MYH9: variants seen among roughly 807,000 people sequenced by gnomAD.
MYH9 encodes the protein myosin heavy chain 9.
MYH9 carries 29 observed loss-of-function variants against 241.9 expected under a neutral mutation model. The ratio of observed to expected loss-of-function variants is 0.12; its 90% CI spans 0.09 to 0.16. The LOEUF is 0.16. Among genes scored for constraint, MYH9 ranks in the 10% least tolerant of loss-of-function variants. The pLI is 1.00. For missense variants in MYH9, 1,803 were observed against 2,595.5 expected, an observed-to-expected ratio of 0.69 and a Z score of 6.63; for synonymous variants, 1,047 against 1,062.6, an observed-to-expected ratio of 0.99 and a Z score of 0.29.
intron 1 of MYH9, among the ~76,000 whole-genome samples, chr22:36,385,240 C>T (rs2018334419): frequency 6.6e-6 from 1 of 151,386 alleles, no homozygotes; most frequent in African/African-American, 2.4e-5. Context: ...TAGGGCCAGG[C>T]TCAGAGGAAA....
chr22:36,324,041 G>T (rs2017297345), intron 5 of MYH9, among the ~76,000 whole-genome samples: 1 of 152,238 alleles, frequency 6.6e-6, no homozygotes, highest in Non-Finnish European at 1.5e-5. Flanking sequence ...TCAGAGCACA[G>T]GCCAGGCTGC....
intron 2 of MYH9, among the ~76,000 whole-genome samples, chr22:36,346,582 G>A (rs1314815836): frequency 6.6e-5 from 10 of 152,150 alleles, no homozygotes; most frequent in Non-Finnish European, 1.5e-4. Flanking sequence ...CATCTGTAAA[G>A]TGGGAAGGCC....
chr22:36,335,415 G>T (rs1051079904), intron 3 of MYH9, among the ~76,000 whole-genome samples: 2 of 152,258 alleles, frequency 1.3e-5, no homozygotes, highest in African/African-American at 4.8e-5. Context: ...GGCTGGCAGG[G>T]CTGGCGGCCT....
chr22:36,381,935 G>A (rs5756169), intron 1 of MYH9, among the ~76,000 whole-genome samples: 2 of 152,138 alleles, frequency 1.3e-5, no homozygotes, highest in African/African-American at 4.8e-5. Flanking sequence ...CTAGAATATA[G>A]TCGGAAGGAG....
chr22:36,306,310 G>T lies in MYH9; in HGVS notation c.2037+104C>A. On this transcript the variant is annotated intron_variant, in intron 16 of 40. Transcript: ENST00000216181. The surrounding 1 kb of genome is among the most constrained non-coding windows in gnomAD (Gnocchi z 4.1). ...GCAGAGAAACGACTGAAGGCTCTGT[G>T]CATGCTGGGGGGCTGGAGGGGTGCT... 1.4e-6 allele frequency: 2 copies of T among 1,455,326 alleles called. No individual in the cohort carries two copies. The highest frequency in any genetic ancestry group is 1.9e-6 in the Non-Finnish European group (2 of 1,059,002). The allele number at this position is 1,455,326 out of a possible 1,614,324, so 90.2% of individuals were successfully genotyped here. A position where few individuals can be genotyped will look rare whatever the true frequency, so the allele number is the denominator to read the frequency against.
rs1052947006 is a variant in MYH9 at position 36,285,428 on chromosome 22, C to T, written c.5275-99G>A. 3 of 1,411,616 alleles carry T rather than the reference C, an allele frequency of 2.1e-6. No individual in the cohort carries two copies. Among genetic ancestry groups the T allele is most frequent in the South Asian group, 1.2e-5 (1 of 86,628 alleles). 87.4% of individuals were successfully genotyped at this position (1,411,616 alleles called of 1,614,324 possible). On this transcript the variant is annotated intron_variant, in intron 37 of 40. Coordinates refer to ENST00000216181, the MANE Select transcript of MYH9 (RefSeq NM_002473.6). This position sits in a 1 kb window ranked among gnomAD's most constrained non-coding sequence, Gnocchi z 7.0. ...GGTGGCAGCAGGATCCCACCAAACC[C>T]TTGGGGTCCAGAGTCTTGGGTCTCC...
chr22:36,374,655 G>A (rs1208946166), intron 1 of MYH9, among the ~76,000 whole-genome samples: 4 of 152,340 alleles, frequency 2.6e-5, no homozygotes, highest in South Asian at 4.1e-4. Context: ...CGCAGGCCGC[G>A]TTCCCAGCAT....
At position 36,281,775 on chromosome 22, in the gene MYH9, CA is replaced by C. The variant is rs2016492399; in HGVS notation, c.*892del. 1 of 231,486 alleles carries C rather than the reference CA, an allele frequency of 4.3e-6. No homozygotes were observed. Among genetic ancestry groups the C allele is most frequent in the African/African-American group, 2.2e-5 (1 of 45,226 alleles). 14.3% of individuals were successfully genotyped at this position (231,486 alleles called of 1,614,324 possible). A position where few individuals can be genotyped will look rare whatever the true frequency, so the allele number is the denominator to read the frequency against. On this transcript the variant is annotated 3_prime_UTR_variant, in exon 41 of 41. Coordinates refer to ENST00000216181, the MANE Select transcript of MYH9 (RefSeq NM_002473.6). ...GGTGCAGGTAAACCACCCTCGGGCC[CA>C]GTCCTAGAGTAGACACAAGATCGCC...
At chr22:36,318,185 G>A (rs2017189395) in intron 11 of MYH9, 22 bp downstream of exon 11, 7 of 1,599,642 alleles carry the variant, frequency 4.4e-6, no homozygotes, top group South Asian at 1.1e-5. Context: ...GCAGCCAGCT[G>A]CCCTGGCCCC....
At chr22:36,291,026 C>A (rs1233784290) in intron 31 of MYH9, among the ~76,000 whole-genome samples, 1 of 150,532 alleles carries the variant, frequency 6.6e-6, no homozygotes, top group African/African-American at 2.5e-5. Flanking sequence ...AGCGTCTCCG[C>A]CCGGCAGCCA....
chr22:36,340,153 G>A (rs1478567124), intron 3 of MYH9, among the ~76,000 whole-genome samples: 1 of 151,772 alleles, frequency 6.6e-6, no homozygotes, highest in African/African-American at 2.4e-5. Flanking sequence ...CTAACACAGA[G>A]TCACAGTGTT....
At chr22:36,350,406 G>A (rs936932433) in intron 1 of MYH9, among the ~76,000 whole-genome samples, 5 of 152,138 alleles carry the variant, frequency 3.3e-5, no homozygotes, top group Admixed American at 6.5e-5. Flanking sequence ...GCGTGGTGGC[G>A]CATGCCTGTA....
chr22:36,367,655 T>C (rs2018031096), intron 1 of MYH9, among the ~76,000 whole-genome samples: 1 of 152,190 alleles, frequency 6.6e-6, no homozygotes, highest in Non-Finnish European at 1.5e-5. Flanking sequence ...AGGATGACCT[T>C]ACCAAGTCCT....
chr22:36,368,230 T>C (rs1024047617), intron 1 of MYH9, among the ~76,000 whole-genome samples: 2 of 152,232 alleles, frequency 1.3e-5, no homozygotes, highest in African/African-American at 2.4e-5. Context: ...TTGCACTTTA[T>C]TCTGAGTGCT....
At position 36,330,813 on chromosome 22, in the gene MYH9, G is replaced by A. The variant is rs1480311297; in HGVS notation, c.491-3325C>T. On this transcript the variant is annotated intron_variant, in intron 3 of 40. Coordinates refer to ENST00000216181, the MANE Select transcript of MYH9 (RefSeq NM_002473.6). The surrounding 1 kb of genome is among the most constrained non-coding windows in gnomAD (Gnocchi z 4.5). ...GAAAACGCCCTTCCTTCCTCTAAAC[G>A]GGAGGAGGCCGCCAGGGACAAGCCT... Among the ~76,000 whole-genome samples the A allele has an allele frequency of 6.6e-5, 10 of 152,004 alleles. No homozygotes were observed. The highest frequency in any genetic ancestry group is 5.2e-4 in the Admixed American group (8 of 15,268).
At position 36,326,592 on chromosome 22, in the gene MYH9, G is replaced by A. The variant is rs1463823509; in HGVS notation, c.588C>T (p.Ser196=). ...CCTGGTCCTTCTTGCTCTTGTGCGAGGACGCCACGTACGCCAGATACTGGA... is the reference window on the plus strand; with the variant it reads ...CCTGGTCCTTCTTGCTCTTGTGCGAAGACGCCACGTACGCCAGATACTGGA... ...KVIQYLAYVA[S]SHKSKKDQGE... The change falls in exon 5 of 41, where the codon TCC becomes TCT. Residue 196 remains serine, a synonymous_variant. Coordinates refer to ENST00000216181, the MANE Select transcript of MYH9 (RefSeq NM_002473.6). 1.2e-6 allele frequency: 2 copies of A among 1,614,244 alleles called. No individual in the cohort carries two copies. Among genetic ancestry groups the A allele is most frequent in the Non-Finnish European group, 1.7e-6 (2 of 1,180,044 alleles).
rs552716500 is a variant in MYH9, at chr22:36,336,367, G to A, written c.490+5003C>T. 5.9e-5 allele frequency among the ~76,000 whole-genome samples: 9 copies of A among 152,332 alleles called. No homozygotes were observed. In the South Asian group the frequency reaches 6.2e-4, roughly 11 times the overall value. On this transcript the variant is annotated intron_variant, in intron 3 of 40. Transcript: ENST00000216181. ...GATCCAGAAGCACCATTTCCTAGGC[G>A]AGGCAGACCTTTTGCAGACCACAGC...
chr22:36,331,134 G>A (rs1333742183), intron 3 of MYH9, among the ~76,000 whole-genome samples: 4 of 152,078 alleles, frequency 2.6e-5, no homozygotes, highest in African/African-American at 7.2e-5. Flanking sequence ...AGCCGAGAGC[G>A]CTGTGGCCCT....
At chr22:36,372,798 T>C (rs2146418117) in intron 1 of MYH9, among the ~76,000 whole-genome samples, 2 of 152,208 alleles carry the variant, frequency 1.3e-5, no homozygotes, top group South Asian at 4.1e-4. Context: ...CTTTGGAAAC[T>C]TTCCCATAAG....
Sources: gnomAD v4.1 joint callset for allele counts (sites outside exome capture counted in the v4.1 genomes callset) on GRCh38, gnomAD v4.1.1 for gene constraint, Gnocchi (gnomAD v3.1) non-coding constraint, MANE v1.5 for transcripts, NCBI Gene and HGNC (gene_info 2026-07-23, HGNC 2026-07-21) for gene names.